DEUP1: variants seen among roughly 807,000 people sequenced by gnomAD.
The protein encoded by DEUP1 is deuterosome assembly protein 1, also known as coiled-coil domain containing 67.
A neutral mutation model predicts 87.4 loss-of-function variants in DEUP1; 82 were observed. That is an observed-to-expected ratio of 0.94 (90% confidence interval 0.78 to 1.13). DEUP1 has a LOEUF of 1.13. DEUP1 is among the 50% of genes most tolerant of loss of function. DEUP1 has a pLI of 0.00. For synonymous variants in DEUP1, 214 were observed against 222.7 expected, an observed-to-expected ratio of 0.96 and a Z score of 0.35; for missense variants, 663 against 681.5, an observed-to-expected ratio of 0.97 and a Z score of 0.30.
intron 13 of DEUP1, among the ~76,000 whole-genome samples, chr11:93,420,217 T>C (rs1947827296): frequency 6.6e-6 from 1 of 152,074 alleles, no homozygotes; most frequent in African/African-American, 2.4e-5. Flanking sequence ...TTATCCACCA[T>C]GATCAAGTGG....
chr11:93,394,526 T>A lies in DEUP1; in HGVS notation c.1109T>A (p.Ile370Asn). The A allele has an allele frequency of 6.2e-7, 1 of 1,609,752 alleles. No individual in the cohort carries two copies. Among genetic ancestry groups the A allele is most frequent in the Non-Finnish European group, 8.5e-7 (1 of 1,177,880 alleles). ...GAGCAGGAAAGAATGAGGAATGAAA[T>A]CTCTGACCTAACAGAAGAGCTTCAT... ...NSEQERMRNE[I>N]SDLTEELHQK... Residue 370 changes from isoleucine (I) to asparagine (N), a missense_variant, in exon 10 of 14, where the codon ATC becomes AAC. Coordinates refer to ENST00000298050, the MANE Select transcript of DEUP1 (RefSeq NM_181645.4).
At position 93,364,279 on chromosome 11, in the gene DEUP1, G is replaced by T; in HGVS notation, c.417G>T (p.Leu139Phe). 1 of 1,608,420 alleles carries T rather than the reference G, an allele frequency of 6.2e-7. No individual in the cohort carries two copies. The highest frequency in any genetic ancestry group is 1.1e-5 in the South Asian group (1 of 90,594). Reference sequence around the variant, plus strand: ...AAATACCCTTTGAACTGAGCAATTTGAACCAGAAATTAGAGGTGAGATATA... The same window carrying T: ...AAATACCCTTTGAACTGAGCAATTTTAACCAGAAATTAGAGGTGAGATATA... The part of the protein sequence containing the change: ...KEEIPFELSN[L>F]NQKLEEFRAK... Residue 139 changes from leucine (L) to phenylalanine (F), a missense_variant, in exon 5 of 14, where the codon TTG (leucine) becomes TTT (phenylalanine). Coordinates refer to ENST00000298050, the MANE Select transcript of DEUP1 (RefSeq NM_181645.4).
At chr11:93,437,502 C>G (rs770294046) in intron 13 of DEUP1, 41 bp from the exon 14 acceptor site, 1 of 1,500,166 alleles carries the variant, frequency 6.7e-7, no homozygotes, top group South Asian at 1.2e-5. Context: ...TTTTTTAAAG[C>G]TCTGTATTCC....
chr11:93,349,905 GGGAAA>G (rs1944545231), intron 2 of DEUP1, among the ~76,000 whole-genome samples: 1 of 152,126 alleles, frequency 6.6e-6, no homozygotes, highest in African/African-American at 2.4e-5. Context: ...GCAGAGGAGT[GGGAAA>G]GCTTTAAGGT....
At chr11:93,386,673 G>A (rs2134328854) in intron 8 of DEUP1, among the ~76,000 whole-genome samples, 1 of 152,264 alleles carries the variant, frequency 6.6e-6, no homozygotes, top group Middle Eastern at 3.4e-3. Flanking sequence ...TGACCTATTT[G>A]TGTGTCTCAC....
chr11:93,391,039 G>A (rs974134599), intron 9 of DEUP1, among the ~76,000 whole-genome samples: 9 of 147,808 alleles, frequency 6.1e-5, no homozygotes, highest in South Asian at 2.1e-4. Context: ...CCGAGATTGC[G>A]CCATGGCACT....
intron 11 of DEUP1, among the ~76,000 whole-genome samples, chr11:93,404,046 T>C (rs1947198046): frequency 6.6e-6 from 1 of 152,068 alleles, no homozygotes; most frequent in Admixed American, 6.6e-5. Context: ...AGAATCTTTC[T>C]GCTTGACTAC....
rs562003022 is a variant in DEUP1, at chr11:93,396,260, G to T, written c.1261G>T (p.Ala421Ser). Reference sequence around the variant, plus strand: ...TCAGGTCTCAGATATGAAATATAAAGCTGTCAGAACTGAAAACACACATCT... The same window carrying T: ...TCAGGTCTCAGATATGAAATATAAATCTGTCAGAACTGAAAACACACATCT... ...KQKVSDMKYK[A>S]VRTENTHLKG... The change falls in exon 11 of 14, where the codon GCT becomes TCT. Residue 421 changes from alanine to serine, a missense_variant. Physicochemically the swap from Ala to Ser is moderately conservative, Grantham distance 99. Coordinates refer to ENST00000298050, the MANE Select transcript of DEUP1 (RefSeq NM_181645.4). 4 of 1,579,888 alleles carry T rather than the reference G, an allele frequency of 2.5e-6. No homozygotes were observed. The Admixed American group carries it at 5.5e-5, about 22-fold the overall frequency.
intron 11 of DEUP1, among the ~76,000 whole-genome samples, chr11:93,402,678 A>C (rs2134396018): frequency 6.6e-6 from 1 of 152,114 alleles, no homozygotes; most frequent in African/African-American, 2.4e-5. Flanking sequence ...TCAGCCAGAA[A>C]AAATAAAAAA....
intron 2 of DEUP1, among the ~76,000 whole-genome samples, chr11:93,343,429 A>T (rs1462423326): frequency 6.6e-6 from 1 of 152,178 alleles, no homozygotes; most frequent in African/African-American, 2.4e-5. Flanking sequence ...TATTAATTGC[A>T]TCATACATTT....
At chr11:93,378,024 C>T (rs1371396861) in intron 7 of DEUP1, among the ~76,000 whole-genome samples, 2 of 152,062 alleles carry the variant, frequency 1.3e-5, no homozygotes, top group Non-Finnish European at 2.9e-5. Context: ...GCTTTTGCCT[C>T]ACAGCTCTTA....
intron 11 of DEUP1, among the ~76,000 whole-genome samples, chr11:93,397,536 T>TATTCTGGG (rs1272974229): frequency 1.3e-5 from 2 of 152,184 alleles, no homozygotes. Context: ...TTTAAGTGTA[T>TATTCTGGG]ATTCTGGGTC....
intron 7 of DEUP1, among the ~76,000 whole-genome samples, chr11:93,380,180 A>C (rs898419088): frequency 1.3e-5 from 2 of 152,198 alleles, no homozygotes; most frequent in African/African-American, 4.8e-5. Context: ...GCCCAGTCCC[A>C]AATGTCAATA....
chr11:93,355,422 C>T lies in DEUP1; in HGVS notation c.81C>T (p.Ile27=), dbSNP rs768491574. ...AGGAATTAATGGAACAAATTGACATCATGGTAAGCAACAAGAAAATGGATT... is the reference window on the plus strand; with the variant it reads ...AGGAATTAATGGAACAAATTGACATTATGGTAAGCAACAAGAAAATGGATT... ...ELQELMEQID[I]MVSNKKMDWE... is the part of the protein sequence containing the mutation. The change falls in exon 3 of 14, where the codon ATC becomes ATT. Residue 27 remains isoleucine (I), a synonymous_variant. Coordinates refer to ENST00000298050, the MANE Select transcript of DEUP1 (RefSeq NM_181645.4). The T allele has an allele frequency of 6.8e-6, 11 of 1,613,670 alleles. No homozygotes were observed. The Admixed American group carries it at 1.7e-4, about 24-fold the overall frequency.
Position 93,411,119 on chromosome 11 carries a change from G to A in DEUP1, c.1523+2692G>A, listed in dbSNP as rs193190476. The A allele has an allele frequency of 1.1e-4, 17 of 152,270 alleles. No homozygotes were observed. The East Asian group carries it at 2.1e-3, about 19-fold the overall frequency. The allele number at this position is 152,270 out of a possible 1,614,324, so 9.4% of individuals were successfully genotyped here. ...GACACTGTGAACTCACCAGTGAAGA[G>A]CTGCAAAGCAGATATCTCTCTGTTA... On this transcript the variant is annotated intron_variant, in intron 12 of 13. Coordinates refer to ENST00000298050, the MANE Select transcript of DEUP1 (RefSeq NM_181645.4).
chr11:93,375,838 T>G (rs1946010733), intron 7 of DEUP1, among the ~76,000 whole-genome samples: 1 of 152,252 alleles, frequency 6.6e-6, no homozygotes, highest in Admixed American at 6.5e-5. Flanking sequence ...CTCTATCTTT[T>G]AGAATAGTGT....
At chr11:93,348,412 T>C (rs1944467656) in intron 2 of DEUP1, among the ~76,000 whole-genome samples, 1 of 152,210 alleles carries the variant, frequency 6.6e-6, no homozygotes. Context: ...TCCCTAGTTA[T>C]TTTAGTTGTG....
intron 2 of DEUP1, among the ~76,000 whole-genome samples, chr11:93,347,974 T>C (rs113019303): frequency 0.077 from 11,703 of 152,094 alleles, 597 homozygotes; most frequent in Middle Eastern, 0.16. Context: ...TCTCCTGACC[T>C]TGTGACCCGC....
chr11:93,416,593 C>G (rs9666918), intron 13 of DEUP1, among the ~76,000 whole-genome samples: 2 of 151,030 alleles, frequency 1.3e-5, no homozygotes, highest in Non-Finnish European at 3.0e-5. Context: ...CAAATTCTAC[C>G]AGAGGTACAA....
Sources: gnomAD v4.1 joint callset for allele counts (sites outside exome capture counted in the v4.1 genomes callset) on GRCh38, gnomAD v4.1.1 for gene constraint, MANE v1.5 for transcripts, NCBI Gene and HGNC (gene_info 2026-07-23, HGNC 2026-07-21) for gene names.